POF1B: variants seen among roughly 807,000 people sequenced by gnomAD.
The protein encoded by POF1B is protein POF1B.
Under a neutral mutation model 55.3 loss-of-function variants are expected in POF1B, and 53 were observed. The observed-to-expected ratio is 0.96, with a 90% confidence interval of 0.77 to 1.20. The LOEUF (loss-of-function observed/expected upper bound fraction) is 1.20. Among genes scored for constraint, POF1B ranks in the 50% most tolerant of loss-of-function variants. The pLI, the probability that POF1B is intolerant of heterozygous loss-of-function variation, is 0.00. For missense variants in POF1B, 478 were observed against 420.5 expected, an observed-to-expected ratio of 1.14 and a Z score of -1.20; for synonymous variants, 188 against 148.3, an observed-to-expected ratio of 1.27 and a Z score of -1.95.
intron 15 of POF1B, among the ~76,000 whole-genome samples, chrX:85,299,490 G>A (rs1362359352): frequency 4.9e-4 from 50 of 101,273 alleles, no homozygotes; most frequent in African/African-American, 1.4e-3. Context: ...GGGTTTCACC[G>A]TGTTAGCCAG....
At chrX:85,299,671 A>ATT (rs1201515013) in intron 15 of POF1B, among the ~76,000 whole-genome samples, 4 of 87,868 alleles carry the variant, frequency 4.6e-5, no homozygotes, top group African/African-American at 1.7e-4. Flanking sequence ...CGCCTGGCTA[A>ATT]TTTTTTTTTT....
chrX:85,320,973 C>T (rs921711540), intron 7 of POF1B, among the ~76,000 whole-genome samples: 2 of 109,325 alleles, frequency 1.8e-5, no homozygotes, highest in African/African-American at 6.6e-5. Context: ...CAAAAAGAGT[C>T]CAGGACCAGA....
intron 4 of POF1B, among the ~76,000 whole-genome samples, chrX:85,357,868 GT>G (rs1754267581): frequency 9.0e-6 from 1 of 110,854 alleles, no homozygotes; most frequent in Non-Finnish European, 1.9e-5. Context: ...TTAACTGCCT[GT>G]TAGTTAAAAA....
At chrX:85,322,975 G>T (rs2147918947) in intron 7 of POF1B, among the ~76,000 whole-genome samples, 2 of 109,733 alleles carry the variant, frequency 1.8e-5, no homozygotes, top group East Asian at 5.8e-4. Context: ...GGAGAAATAG[G>T]AACACTTTTA....
chrX:85,368,163 G>C (rs886664080), intron 2 of POF1B, among the ~76,000 whole-genome samples: 3 of 111,771 alleles, frequency 2.7e-5, no homozygotes, highest in African/African-American at 9.7e-5. Flanking sequence ...AATTTAAGGA[G>C]TACAAGTGCA....
At chrX:85,322,047 C>T (rs200808598) in intron 7 of POF1B, among the ~76,000 whole-genome samples, 13,941 of 109,874 alleles carry the variant, frequency 0.13, 704 homozygotes, top group South Asian at 0.17. Context: ...CAATGCCATC[C>T]CCATCAAGCT....
chrX:85,360,822 C>T (rs1933603513), intron 3 of POF1B, among the ~76,000 whole-genome samples: 1 of 109,337 alleles, frequency 9.1e-6, no homozygotes, highest in Admixed American at 9.9e-5. Context: ...AGCTAATTTA[C>T]ACTCCCACCA....
intron 2 of POF1B, among the ~76,000 whole-genome samples, chrX:85,374,092 A>T (rs1933881701): frequency 9.0e-6 from 1 of 111,038 alleles, no homozygotes; most frequent in African/African-American, 3.3e-5. Context: ...GTGTATAGGG[A>T]ATTTAAGCAA....
rs181249057 is a variant in POF1B at position 85,312,938 on chromosome X, T to G, written c.957+1494A>C. ...AGGTATTTTATTCTCTTTGTAGCAA[T>G]TGTGAATGTGAGTTCACTCAAGATT... On this transcript the variant is annotated intron_variant, in intron 9 of 16. Transcript: ENST00000262753. 8.9e-5 allele frequency among the ~76,000 whole-genome samples: 10 copies of G among 111,904 alleles called. 1 individual carries two copies. The East Asian group carries it at 2.8e-3, about 32-fold the overall frequency.
intron 3 of POF1B, among the ~76,000 whole-genome samples, chrX:85,362,768 T>C (rs1173599760): frequency 9.0e-6 from 1 of 111,607 alleles, no homozygotes; most frequent in Non-Finnish European, 1.9e-5. Context: ...ATAAAATGAT[T>C]TGGGGAGGAG....
intron 8 of POF1B, 90 bp downstream of exon 8, chrX:85,315,617 G>A: frequency 1.3e-6 from 1 of 797,175 alleles, no homozygotes; most frequent in Non-Finnish European, 1.7e-6. Context: ...GTCTAGTAAG[G>A]TACTTAACTG....
intron 7 of POF1B, among the ~76,000 whole-genome samples, chrX:85,329,639 T>C (rs1932944106): frequency 1.9e-5 from 2 of 106,731 alleles, no homozygotes; most frequent in South Asian, 8.1e-4. Flanking sequence ...CGTTTTTTTT[T>C]TTTTTAAAAA....
In POF1B at chrX:85,307,225, T is replaced by C. The variant is rs771828685; in HGVS notation, c.1102A>G (p.Thr368Ala). 1.7e-6 allele frequency: 2 copies of C among 1,204,697 alleles called. No homozygotes were observed. The highest frequency in any genetic ancestry group is 3.6e-5 in the South Asian group (2 of 55,831). The change falls in exon 11 of 17, where the codon ACT becomes GCT. Residue 368 changes from threonine (T) to alanine (A), a missense_variant. Thr to Ala is a moderately conservative substitution (Grantham distance 58, BLOSUM62 0). Coordinates refer to ENST00000262753, the MANE Select transcript of POF1B (RefSeq NM_024921.4). ...RLEKDLSFKD[T>A]QLKEYEELLA... Reference sequence around the variant, plus strand: ...AGTTCTTCGTACTCTTTTAATTGAGTGTCTTTGAATGATAAATCTTTCTCA... The same window carrying C: ...AGTTCTTCGTACTCTTTTAATTGAGCGTCTTTGAATGATAAATCTTTCTCA...
intron 7 of POF1B, among the ~76,000 whole-genome samples, chrX:85,318,705 C>G (rs1235219639): frequency 1.8e-5 from 2 of 111,219 alleles, no homozygotes; most frequent in African/African-American, 6.5e-5. Flanking sequence ...TTTCTGGGAT[C>G]TCTATTCTGT....
intron 2 of POF1B, among the ~76,000 whole-genome samples, chrX:85,378,256 A>T (rs1447532996): frequency 8.9e-6 from 1 of 111,870 alleles, no homozygotes; most frequent in Non-Finnish European, 1.9e-5. Flanking sequence ...ACATAGCATC[A>T]TATCCCAATG....
rs139385491 is a variant in POF1B at position 85,306,198 on chromosome X, G to T, written c.1300C>A (p.Gln434Lys). 563 of 1,198,909 alleles carry T rather than the reference G, an allele frequency of 4.7e-4. No homozygotes were observed. Among genetic ancestry groups the T allele is most frequent in the Admixed American group, 1.1e-3 (50 of 45,071 alleles). The change falls in exon 12 of 17, where the codon CAA becomes AAA. Residue 434 changes from glutamine to lysine, a missense_variant. Transcript: ENST00000262753. ...TTTAATACCTGCATTCTAAGGTTTTGATTCTCTTGCTCTAAATTACGTTTA... is the reference window on the plus strand; with the variant it reads ...TTTAATACCTGCATTCTAAGGTTTTTATTCTCTTGCTCTAAATTACGTTTA... ...YCKRNLEQEN[Q>K]NLRMQVSETC...
intron 7 of POF1B, 116 bp from the exon 8 acceptor site, chrX:85,315,850 C>A: frequency 1.8e-6 from 1 of 549,623 alleles, no homozygotes; most frequent in Non-Finnish European, 2.6e-6. Context: ...AGGACTTATT[C>A]AATTTATAAG....
intron 7 of POF1B, among the ~76,000 whole-genome samples, chrX:85,329,397 T>C (rs1329805592): frequency 9.0e-6 from 1 of 111,386 alleles, no homozygotes; most frequent in African/African-American, 3.3e-5. Context: ...ATAGAAATCA[T>C]GCATTTATAA....
intron 6 of POF1B, among the ~76,000 whole-genome samples, chrX:85,344,291 C>G (rs1213328730): frequency 1.8e-5 from 2 of 111,290 alleles, no homozygotes; most frequent in African/African-American, 3.3e-5. Context: ...ATGTGATTCT[C>G]TCTTCCTAGG....
Sources: allele counts gnomAD v4.1 joint callset (sites outside exome capture counted in the v4.1 genomes callset), GRCh38; gene constraint gnomAD v4.1.1; transcripts MANE v1.5; gene names NCBI Gene and HGNC (gene_info 2026-07-23, HGNC 2026-07-21).